POT1: variants seen among roughly 807,000 people sequenced by gnomAD.
The protein encoded by POT1 is protection of telomeres 1.
In POT1, 47 loss-of-function variants were observed where a neutral mutation model predicts 78.5. The ratio of observed to expected loss-of-function variants is 0.60; its 90% CI spans 0.47 to 0.76. The LOEUF is 0.76. POT1 is among the 30% of genes least tolerant of loss of function. The pLI is 0.00. For missense variants in POT1, 646 were observed against 749.9 expected, an observed-to-expected ratio of 0.86 and a Z score of 1.62; for synonymous variants, 259 against 260.7, an observed-to-expected ratio of 0.99 and a Z score of 0.06.
chr7:124,903,979 C>A (rs1375019534), intron 3 of POT1, among the ~76,000 whole-genome samples: 1 of 152,066 alleles, frequency 6.6e-6, no homozygotes, highest in African/African-American at 2.4e-5. Context: ...GAAGTTGAAT[C>A]CCTGAATAGA....
intron 18 of POT1, 121 bp from the exon 19 acceptor site, chr7:124,824,195 A>C: frequency 1.7e-6 from 1 of 594,750 alleles, no homozygotes; most frequent in Non-Finnish European, 2.9e-6. Flanking sequence ...CTTGAAAAGT[A>C]AGTAAACGTC....
chr7:124,839,143 T>C (rs1399909216), intron 14 of POT1, among the ~76,000 whole-genome samples: 1 of 152,016 alleles, frequency 6.6e-6, no homozygotes, highest in Non-Finnish European at 1.5e-5. Flanking sequence ...CAGAAGCAAA[T>C]TCACACAAAC....
chr7:124,863,669 G>A, intron 7 of POT1, 29 bp from the exon 8 acceptor site: 3 of 1,532,614 alleles, frequency 2.0e-6, no homozygotes, highest in Non-Finnish European at 2.7e-6. Context: ...GTAGAAAACA[G>A]ATACAAATAA....
chr7:124,893,140 G>A (rs1295567507), intron 5 of POT1, among the ~76,000 whole-genome samples: 3 of 151,336 alleles, frequency 2.0e-5, no homozygotes, highest in African/African-American at 7.3e-5. Context: ...AGAAACTGTA[G>A]CTGGGGGACA....
chr7:124,883,716 T>G (rs1008753322), intron 6 of POT1, among the ~76,000 whole-genome samples: 1 of 152,038 alleles, frequency 6.6e-6, no homozygotes, highest in African/African-American at 2.4e-5. Context: ...GTGTATGTGT[T>G]GTATATTTTT....
intron 6 of POT1, among the ~76,000 whole-genome samples, chr7:124,877,703 G>A (rs1181779953): frequency 1.3e-5 from 2 of 151,472 alleles, no homozygotes; most frequent in African/African-American, 4.8e-5. Context: ...CATGGTGGCG[G>A]GCGCCTGTAG....
Position 124,823,751 on chromosome 7 carries a change from C to T in POT1, c.*211G>A. On this transcript the variant is annotated 3_prime_UTR_variant, in exon 19 of 19. Coordinates refer to ENST00000357628, the MANE Select transcript of POT1 (RefSeq NM_015450.3). The stretch of plus-strand genomic sequence containing the variant: ...ACTTGTTTAAGCAGGTCTCTTTGTA[C>T]AAAAGCAAAACAGAAAGCAAAACAA... 1 of 512,072 alleles carries T rather than the reference C, an allele frequency of 2.0e-6. No individual in the cohort carries two copies. The allele number at this position is 512,072 out of a possible 1,614,324, so 31.7% of individuals were successfully genotyped here. A position where few individuals can be genotyped will look rare whatever the true frequency, so the allele number is the denominator to read the frequency against.
At chr7:124,863,151 T>A (rs1332900323) in intron 8 of POT1, among the ~76,000 whole-genome samples, 199 bp downstream of exon 8, 1 of 151,844 alleles carries the variant, frequency 6.6e-6, no homozygotes, top group Non-Finnish European at 1.5e-5. Context: ...ACTATATTTC[T>A]CTGGAAGGAA....
intron 12 of POT1, among the ~76,000 whole-genome samples, chr7:124,843,813 T>C (rs564220316): frequency 4.9e-4 from 74 of 152,320 alleles, no homozygotes; most frequent in Middle Eastern, 3.4e-3. Flanking sequence ...GACAATTCCT[T>C]TCAGTACTGA....
At chr7:124,880,975 G>A (rs1047766130) in intron 6 of POT1, among the ~76,000 whole-genome samples, 1 of 151,808 alleles carries the variant, frequency 6.6e-6, no homozygotes, top group East Asian at 1.9e-4. Context: ...CTAAAATGAC[G>A]TAACTACACG....
intron 6 of POT1, among the ~76,000 whole-genome samples, chr7:124,886,604 T>G (rs1476521657): frequency 6.6e-6 from 1 of 152,142 alleles, no homozygotes; most frequent in African/African-American, 2.4e-5. Flanking sequence ...GACATTCATT[T>G]TAATTTAGTA....
At chr7:124,887,098 A>G (rs951657051) in intron 6 of POT1, among the ~76,000 whole-genome samples, 2 of 152,122 alleles carry the variant, frequency 1.3e-5, no homozygotes, top group African/African-American at 4.8e-5. Flanking sequence ...CAGAAGGGGC[A>G]GCACACGTAA....
intron 6 of POT1, among the ~76,000 whole-genome samples, chr7:124,891,103 T>C (rs1274966739): frequency 6.6e-6 from 1 of 151,816 alleles, no homozygotes; most frequent in Non-Finnish European, 1.5e-5. Context: ...CCCCCATTAT[T>C]GGAAGTGGTG....
chr7:124,873,401 ATT>A (rs966001990), intron 6 of POT1, among the ~76,000 whole-genome samples: 8 of 152,170 alleles, frequency 5.3e-5, no homozygotes, highest in Admixed American at 1.3e-4. Context: ...GCTAACAAAC[ATT>A]TTGATTTGCA....
At chr7:124,871,087 C>T (rs768831218) in intron 6 of POT1, 46 bp from the exon 7 acceptor site, 18 of 1,496,964 alleles carry the variant, frequency 1.2e-5, no homozygotes. Flanking sequence ...TATTTTAAAG[C>T]ATTTGATAAA....
chr7:124,910,423 A>G (rs1796863594), intron 3 of POT1, among the ~76,000 whole-genome samples: 1 of 151,994 alleles, frequency 6.6e-6, no homozygotes, highest in Non-Finnish European at 1.5e-5. Context: ...AGTGCTTATC[A>G]CCATCATCAC....
chr7:124,890,333 G>C (rs538672352), intron 6 of POT1, among the ~76,000 whole-genome samples: 1 of 152,004 alleles, frequency 6.6e-6, no homozygotes, highest in South Asian at 2.1e-4. Context: ...GATGAGGAAA[G>C]ATAGTTTCTT....
intron 15 of POT1, among the ~76,000 whole-genome samples, chr7:124,834,959 C>T (rs967409716): frequency 3.3e-5 from 5 of 152,024 alleles, no homozygotes; most frequent in Admixed American, 1.3e-4. Flanking sequence ...TGGATAAAGC[C>T]GGAAACCATC....
intron 6 of POT1, among the ~76,000 whole-genome samples, chr7:124,888,593 TTACTTTGTTG>T (rs1796300263): frequency 1.3e-5 from 2 of 152,188 alleles, no homozygotes; most frequent in South Asian, 4.1e-4. Context: ...TAATTGTACT[TTACTTTGTTG>T]TACTTTGTAA....
Sources: allele counts gnomAD v4.1 joint callset (sites outside exome capture counted in the v4.1 genomes callset), GRCh38; gene constraint gnomAD v4.1.1; transcripts MANE v1.5; gene names NCBI Gene and HGNC (gene_info 2026-07-23, HGNC 2026-07-21).